The following TCF20 variants were observed in gnomAD, a reference collection of about 807,000 sequenced individuals.
TCF20 encodes the protein SPRE-binding protein.
A neutral mutation model predicts 148.6 loss-of-function variants in TCF20; 3 were observed. The ratio of observed to expected loss-of-function variants is 0.02; its 90% CI spans 0.01 to 0.05. The LOEUF (loss-of-function observed/expected upper bound fraction) is 0.05, where lower values mean the gene tolerates loss of function less well. TCF20 is among the 10% of genes least tolerant of loss of function. The pLI is 1.00. For synonymous variants in TCF20, 1,049 were observed against 909.5 expected, an observed-to-expected ratio of 1.15 and a Z score of -2.76; for missense variants, 2,350 against 2,429.3, an observed-to-expected ratio of 0.97 and a Z score of 0.69.
intron 1 of TCF20, among the ~76,000 whole-genome samples, chr22:42,221,682 G>A (rs1187211329): frequency 6.6e-6 from 1 of 151,098 alleles, no homozygotes; most frequent in East Asian, 1.9e-4. Context: ...GGCAGGTGCT[G>A]GGCTCTGAAT....
intron 1 of TCF20, among the ~76,000 whole-genome samples, chr22:42,265,123 A>C (rs1926214079): frequency 1.3e-5 from 2 of 152,240 alleles, no homozygotes; most frequent in African/African-American, 4.8e-5. Flanking sequence ...CCCAAAAAGC[A>C]AACATTGCTC....
At chr22:42,330,566 T>C (rs1927956054) in intron 1 of TCF20, among the ~76,000 whole-genome samples, 1 of 152,218 alleles carries the variant, frequency 6.6e-6, no homozygotes, top group African/African-American at 2.4e-5. Flanking sequence ...ACTCCACGAA[T>C]GCAGAACAGG....
At chr22:42,283,703 C>G (rs1436107578) in intron 1 of TCF20, among the ~76,000 whole-genome samples, 1 of 151,688 alleles carries the variant, frequency 6.6e-6, no homozygotes, top group African/African-American at 2.4e-5. Context: ...CCGGCGCGGC[C>G]CCTGCCCGCC....
At chr22:42,257,151 T>C (rs1329655802) in intron 1 of TCF20, among the ~76,000 whole-genome samples, 1 of 152,138 alleles carries the variant, frequency 6.6e-6, no homozygotes, top group Non-Finnish European at 1.5e-5. Context: ...CAGTGCAACA[T>C]CCTGTCTCAA....
At chr22:42,190,862 G>T (rs964407178) in intron 2 of TCF20, among the ~76,000 whole-genome samples, 1 of 152,144 alleles carries the variant, frequency 6.6e-6, no homozygotes, top group Non-Finnish European at 1.5e-5. Context: ...CCACAAAAAA[G>T]AAAGTTCGTA....
intron 1 of TCF20, among the ~76,000 whole-genome samples, chr22:42,326,964 G>A (rs1927886122): frequency 6.6e-6 from 1 of 152,260 alleles, no homozygotes; most frequent in Non-Finnish European, 1.5e-5. Flanking sequence ...GGAAAGGGCA[G>A]ATCTTTTTCC....
chr22:42,208,606 A>AC (rs1479160033), intron 2 of TCF20, among the ~76,000 whole-genome samples: 1 of 152,162 alleles, frequency 6.6e-6, no homozygotes, highest in East Asian at 1.9e-4. Context: ...ACAAAACAAA[A>AC]CAAAACCAAA....
chr22:42,247,915 T>C (rs1216837556), intron 1 of TCF20, among the ~76,000 whole-genome samples: 3 of 152,186 alleles, frequency 2.0e-5, no homozygotes, highest in Non-Finnish European at 4.4e-5. Context: ...AAAAAATTAA[T>C]AGTCTGTTCT....
chr22:42,212,733 C>A lies in TCF20; in HGVS notation c.2573G>T (p.Gly858Val). Residue 858 changes from glycine to valine, a missense_variant, in exon 2 of 6, where the codon GGT becomes GTT. Around this residue, in one of 7 missense-constraint regions of TCF20, gnomAD observed 1,641 missense variants for 1,662.6 expected, o/e 0.99. Transcript: ENST00000677622. ...EPQSSAHEPGGSLSERRSVIC... is the reference protein window; with the variant it reads ...EPQSSAHEPGVSLSERRSVIC... The stretch of plus-strand genomic sequence containing the variant: ...CACTGATCTTCTTTCAGAGAGGGAA[C>A]CCCCAGGCTCATGTGCTGATGACTG... The A allele has an allele frequency of 5.6e-6, 9 of 1,614,198 alleles. No homozygotes were observed. Among genetic ancestry groups the A allele is most frequent in the Non-Finnish European group, 7.6e-6 (9 of 1,180,034 alleles).
chr22:42,326,525 C>G (rs771406035), intron 1 of TCF20, among the ~76,000 whole-genome samples: 2 of 152,242 alleles, frequency 1.3e-5, no homozygotes, highest in Non-Finnish European at 2.9e-5. Flanking sequence ...GCTCTTCAAT[C>G]TAGGGCAGGC....
intron 2 of TCF20, among the ~76,000 whole-genome samples, chr22:42,188,293 C>A (rs1211108710): frequency 2.4e-4 from 12 of 49,462 alleles, no homozygotes; most frequent in South Asian, 1.1e-3. Flanking sequence ...AACTCCGTCT[C>A]AAAAAAAAAA....
rs1365223048 is a variant in TCF20, at chr22:42,323,953, ATGG to A, written c.-37+19523_-37+19525del. On this transcript the variant is annotated intron_variant, in intron 1 of 1. Transcript: ENST00000515426. ...GGTGGTGGTGGTGGTGATGGAGGTT[ATGG>A]TGGTGGTGGTGATGGTGGTGGTGGA... Among the ~76,000 whole-genome samples, 20 of 21,358 alleles carry A rather than the reference ATGG, an allele frequency of 9.4e-4. 1 individual carries two copies. Among genetic ancestry groups the A allele is most frequent in the East Asian group, 3.1e-3 (2 of 638 alleles). 14.0% of individuals were successfully genotyped at this position (21,358 alleles called of 152,430 possible). A position where few individuals can be genotyped will look rare whatever the true frequency, so the allele number is the denominator to read the frequency against.
At chr22:42,224,339 G>A (rs952851569) in intron 1 of TCF20, among the ~76,000 whole-genome samples, 1 of 151,794 alleles carries the variant, frequency 6.6e-6, no homozygotes, top group African/African-American at 2.4e-5. Context: ...GGGCGTGGTG[G>A]TAGGCACCTG....
rs945290696 is a variant in TCF20 at position 42,299,544 on chromosome 22, T to G, written c.-37+43935A>C. 3.9e-5 allele frequency among the ~76,000 whole-genome samples: 6 copies of G among 152,122 alleles called. No individual in the cohort carries two copies. Among genetic ancestry groups the G allele is most frequent in the African/African-American group, 1.4e-4 (6 of 41,426 alleles). ...GGGTCACCCAGGAACCCCGAGGAACTGGAATGGGGGTGGAGGGGAATCACA... is the reference window on the plus strand; with the variant it reads ...GGGTCACCCAGGAACCCCGAGGAACGGGAATGGGGGTGGAGGGGAATCACA... On this transcript the variant is annotated intron_variant, in intron 1 of 1. Coordinates refer to the TCF20 transcript ENST00000515426. The surrounding 1 kb of genome is among the most constrained non-coding windows in gnomAD (Gnocchi z 4.1).
At chr22:42,258,728 T>G (rs1247766477) in intron 1 of TCF20, among the ~76,000 whole-genome samples, 1 of 152,196 alleles carries the variant, frequency 6.6e-6, no homozygotes, top group Non-Finnish European at 1.5e-5. Context: ...TATAGGCTCA[T>G]GTAGGTAGGT....
Position 42,212,970 on chromosome 22 carries a change from G to A in TCF20, c.2336C>T (p.Ala779Val). The change falls in exon 2 of 6, where the codon GCT becomes GTT. Residue 779 changes from alanine to valine, a missense_variant. Around this residue, in one of 7 missense-constraint regions of TCF20, gnomAD observed 1,641 missense variants for 1,662.6 expected, o/e 0.99. Transcript: ENST00000677622. ...SRSTQEHQGM[A>V]GSLEGTTRPN... ...CCTTGTGGTTCCTTCTAGGCTACCAGCCATCCCCTGATGCTCTTGAGTACT... is the reference window on the plus strand; with the variant it reads ...CCTTGTGGTTCCTTCTAGGCTACCAACCATCCCCTGATGCTCTTGAGTACT... 5 of 1,614,134 alleles carry A rather than the reference G, an allele frequency of 3.1e-6. No homozygotes were observed. Among genetic ancestry groups the A allele is most frequent in the South Asian group, 1.1e-5 (1 of 91,084 alleles).
intron 1 of TCF20, among the ~76,000 whole-genome samples, chr22:42,261,108 A>C (rs935131236): frequency 1.3e-5 from 2 of 152,198 alleles, no homozygotes; most frequent in African/African-American, 4.8e-5. Flanking sequence ...GGGATCACCC[A>C]TTACATATGA....
rs758708684 is a variant in TCF20 at position 42,213,627 on chromosome 22, G to A, written c.1679C>T (p.Pro560Leu). 37 of 1,613,984 alleles carry A rather than the reference G, an allele frequency of 2.3e-5. No individual in the cohort carries two copies. Among genetic ancestry groups the A allele is most frequent in the Middle Eastern group, 1.6e-4 (1 of 6,084 alleles). Residue 560 changes from proline to leucine, a missense_variant, in exon 2 of 6, where the codon CCG (proline) becomes CTG (leucine). Coordinates refer to ENST00000677622, the MANE Select transcript of TCF20 (RefSeq NM_001378418.1). ...GGASEKAGSSPAQGAQNEPPR... is the reference protein window; with the variant it reads ...GGASEKAGSSLAQGAQNEPPR... ...GGGTTCATTCTGAGCACCTTGTGCC[G>A]GTGAGGAGCCAGCTTTCTCAGAGGC...
intron 1 of TCF20, among the ~76,000 whole-genome samples, chr22:42,223,015 G>A (rs1359655608): frequency 1.3e-5 from 2 of 152,142 alleles, no homozygotes; most frequent in African/African-American, 4.8e-5. Context: ...TGGGTGTGCT[G>A]GCTTGTGCCT....
Sources: gnomAD v4.1 joint callset for allele counts (sites outside exome capture counted in the v4.1 genomes callset) on GRCh38, gnomAD v4.1.1 for gene constraint, gnomAD v4.1.1 regional missense constraint, Gnocchi (gnomAD v3.1) non-coding constraint, MANE v1.5 for transcripts, NCBI Gene and HGNC (gene_info 2026-07-23, HGNC 2026-07-21) for gene names.